The following CFAP65 variants were observed in gnomAD, a reference collection of about 807,000 sequenced individuals.
CFAP65 encodes the protein cilia and flagella associated protein 65, also known as cilia- and flagella-associated protein 65.
In CFAP65, 155 loss-of-function variants were observed where a neutral mutation model predicts 208.0. That is an observed-to-expected ratio of 0.75 (90% confidence interval 0.65 to 0.85). CFAP65 has a LOEUF of 0.85. CFAP65 is among the 40% of genes least tolerant of loss of function. The pLI is 0.00. For missense variants in CFAP65, 2,294 were observed against 2,451.3 expected, an observed-to-expected ratio of 0.94 and a Z score of 1.36; for synonymous variants, 970 against 986.3, an observed-to-expected ratio of 0.98 and a Z score of 0.31.
At chr2:219,041,096 ATTTGT>A (rs1189894621) in intron 1 of CFAP65, among the ~76,000 whole-genome samples, 1 of 152,126 alleles carries the variant, frequency 6.6e-6, no homozygotes, top group African/African-American at 2.4e-5. Flanking sequence ...TTTGTTTTGG[ATTTGT>A]TTTGTTTTAA....
At chr2:219,041,000 AC>A (rs772010299) in intron 1 of CFAP65, among the ~76,000 whole-genome samples, 39 of 152,260 alleles carry the variant, frequency 2.6e-4, no homozygotes, top group Non-Finnish European at 4.4e-4. Context: ...AACAACCATA[AC>A]TTTCCCACTA....
At position 219,031,717 on chromosome 2, in the gene CFAP65, T is replaced by A. The variant is rs1349350973; in HGVS notation, c.646-59A>T. The A allele has an allele frequency of 4.5e-6, 7 of 1,541,836 alleles. No individual in the cohort carries two copies. The African/African-American group carries it at 9.6e-5, about 21-fold the overall frequency. ...ATCAGTGGCATTCAGGGACTGCACA[T>A]CCCGCCCACCCTCAGCCACCCCCAA... On this transcript the variant is annotated intron_variant, in intron 6 of 34. Coordinates refer to ENST00000341552, the MANE Select transcript of CFAP65 (RefSeq NM_194302.4). The surrounding 1 kb of genome is among the most constrained non-coding windows in gnomAD (Gnocchi z 5.2).
intron 24 of CFAP65, among the ~76,000 whole-genome samples, chr2:219,011,270 C>CTTTTTTTTTTTTTTTTTTT (rs528817484): frequency 1.9e-5 from 2 of 107,110 alleles, no homozygotes; most frequent in Non-Finnish European, 3.9e-5. Context: ...CTTTTTCTTT[C>CTTTTTTTTTTTTTTTTTTT]TTTTTTTTTT....
chr2:219,009,389 G>A lies in CFAP65; in HGVS notation c.4524C>T (p.Ala1508=). ...ETVPFVVTLR[A]SVHASFYSAD... ...CACTGTAGAAGCTGGCATGCACAGA[G>A]GCCCTCAAGGTCACCACAAATGGGA... The change falls in exon 28 of 35, where the codon GCC becomes GCT. Residue 1508 remains alanine (A), a synonymous_variant. Transcript: ENST00000341552. 6.2e-7 allele frequency: 1 copy of A among 1,612,694 alleles called. No individual in the cohort carries two copies. The highest frequency in any genetic ancestry group is 1.1e-5 in the South Asian group (1 of 91,074).
intron 13 of CFAP65, chr2:219,026,694 A>G (rs1233312028): frequency 1.2e-5 from 8 of 684,424 alleles, no homozygotes; most frequent in Non-Finnish European, 1.4e-5. Context: ...CACTCACGGC[A>G]CGTCTCAATT....
At position 219,029,546 on chromosome 2, in the gene CFAP65, T is replaced by A; in HGVS notation, c.1507A>T (p.Ile503Phe). The change falls in exon 11 of 35, where the codon ATC (isoleucine) becomes TTC (phenylalanine). Residue 503 changes from isoleucine (I) to phenylalanine (F), a missense_variant. By Grantham distance (21) the Ile-to-Phe change is conservative. This residue lies in a region of CFAP65 where 867 missense variants were observed against 1,012.6 expected (regional missense o/e 0.86). Coordinates refer to ENST00000341552, the MANE Select transcript of CFAP65 (RefSeq NM_194302.4). ...SDCTAHFQFA[I>F]DCLESVFTIR... ...GTAAAGACACTCTCCAAGCAGTCGA[T>A]GGCAAACTGGAAGTGGGCCGTGCAG... 6.2e-7 allele frequency: 1 copy of A among 1,614,082 alleles called. No individual in the cohort carries two copies. The highest frequency in any genetic ancestry group is 8.5e-7 in the Non-Finnish European group (1 of 1,180,018).
rs1266722451 is a variant in CFAP65 at position 219,029,667 on chromosome 2, G to T, written c.1386C>A (p.Gly462=). Residue 462 remains glycine (G), a splice_region_variant and synonymous_variant, in exon 11 of 35, where the codon GGC becomes GGA. Transcript: ENST00000341552. The part of the protein sequence containing the change: ...TLLKVVGFCR[G]PAVSLQHYCV... ...AGTAGTGCTGCAGGGACACAGCAGG[G>T]CCTGGACACAGGAGATGGGGTATCA... is the stretch of plus-strand genomic sequence containing the variant. The T allele has an allele frequency of 4.3e-6, 7 of 1,613,094 alleles. No individual in the cohort carries two copies. The highest frequency in any genetic ancestry group is 4.5e-5 in the East Asian group (2 of 44,834).
intron 4 of CFAP65, among the ~76,000 whole-genome samples, chr2:219,037,101 AT>A (rs1176245534): frequency 3.9e-5 from 6 of 152,152 alleles, no homozygotes; most frequent in African/African-American, 1.4e-4. Context: ...AAAATAGGGA[AT>A]TTACTGTGGC....
chr2:219,022,826 C>T (rs550007767), intron 16 of CFAP65, among the ~76,000 whole-genome samples: 10 of 152,326 alleles, frequency 6.6e-5, no homozygotes, highest in Admixed American at 5.2e-4. Context: ...CAGTCTCCTT[C>T]CTCACCCTCA....
Position 219,027,866 on chromosome 2 carries a change from C to T in CFAP65, c.1995G>A (p.Gly665=). Residue 665 remains glycine (G), a synonymous_variant, in exon 13 of 35, where the codon GGG becomes GGA. Coordinates refer to ENST00000341552, the MANE Select transcript of CFAP65 (RefSeq NM_194302.4). ...PVEVDFGACP[G]PEAPNPVPLC... is the part of the protein sequence containing the mutation. ...GGGGTACAGGGTTGGGGGCCTCAGG[C>T]CCTGGGCAGGCACCGAAGTCTACCT... is the stretch of plus-strand genomic sequence containing the variant. The T allele has an allele frequency of 4.5e-6, 7 of 1,570,696 alleles. No individual in the cohort carries two copies. Among genetic ancestry groups the T allele is most frequent in the Non-Finnish European group, 6.1e-6 (7 of 1,155,646 alleles).
intron 20 of CFAP65, 92 bp from the exon 21 acceptor site, chr2:219,019,271 C>A: frequency 6.9e-7 from 1 of 1,458,848 alleles, no homozygotes; most frequent in Non-Finnish European, 9.3e-7. Context: ...CCCCTCCCTC[C>A]AAGTGGGAAC....
At position 219,040,582 on chromosome 2, in the gene CFAP65, G is replaced by C. The variant is rs778050687; in HGVS notation, c.-48-18C>G. The C allele has an allele frequency of 5.5e-5, 86 of 1,552,146 alleles. No individual in the cohort carries two copies. Among genetic ancestry groups the C allele is most frequent in the Non-Finnish European group, 6.4e-5 (73 of 1,147,002 alleles). On this transcript the variant is annotated intron_variant, in intron 1 of 34. Transcript: ENST00000341552. The stretch of plus-strand genomic sequence containing the variant: ...AATGTAAGCTGAGGAGACACAGAGA[G>C]AGTCCATTACTTTTCTGCCACGGGA...
Position 219,009,954 on chromosome 2 carries a change from T to G in CFAP65, c.4440A>C (p.Leu1480=). ...AGGGGACTCTCACCTCCCCAAAATC[T>G]AGAGGACTTGGCTGCCAGGAGAAGG... The part of the protein sequence containing the change: ...EIAFSWQPSP[L]DFGEVSVSPM... Residue 1480 remains leucine (L), a synonymous_variant, in exon 27 of 35, where the codon CTA becomes CTC. Transcript: ENST00000341552. 1 of 1,610,524 alleles carries G rather than the reference T, an allele frequency of 6.2e-7. No individual in the cohort carries two copies. Among genetic ancestry groups the G allele is most frequent in the Non-Finnish European group, 8.5e-7 (1 of 1,178,754 alleles).
rs146323870 is a variant in CFAP65, at chr2:219,014,088, G to A, written c.3603-44C>T. On this transcript the variant is annotated intron_variant, in intron 21 of 34. Coordinates refer to ENST00000341552, the MANE Select transcript of CFAP65 (RefSeq NM_194302.4). ...GCCATACAAAGAAACTGGTCAGGCA[G>A]AACAGAGAGGCAGGGGCTCTGAGAC... 3.1e-4 allele frequency: 467 copies of A among 1,529,334 alleles called. 2 individuals carry two copies. In the African/African-American group the frequency reaches 4.9e-3, roughly 16 times the overall value. 94.7% of individuals were successfully genotyped at this position (1,529,334 alleles called of 1,614,324 possible). A position where few individuals can be genotyped will look rare whatever the true frequency, so the allele number is the denominator to read the frequency against.
Position 219,010,082 on chromosome 2 carries a change from C to T in CFAP65, c.4312G>A (p.Val1438Ile), listed in dbSNP as rs2106096243. The T allele has an allele frequency of 6.3e-7, 1 of 1,592,784 alleles. No individual in the cohort carries two copies. Among genetic ancestry groups the T allele is most frequent in the Non-Finnish European group, 8.6e-7 (1 of 1,169,012 alleles). ...HSRLVVPGQN[V>I]FLSQSHISLG... Reference sequence around the variant, plus strand: ...GAAATATGAGACTGGGACAGGAAGACATTCTGTGGGTGGAGAGCGGAGGTA... The same window carrying T: ...GAAATATGAGACTGGGACAGGAAGATATTCTGTGGGTGGAGAGCGGAGGTA... The change falls in exon 27 of 35, where the codon GTC (valine) becomes ATC (isoleucine). Residue 1438 changes from valine to isoleucine, a missense_variant. This residue lies in a region of CFAP65 where 1,427 missense variants were observed against 1,438.7 expected (regional missense o/e 0.99). Transcript: ENST00000341552.
chr2:219,026,420 C>T, intron 13 of CFAP65: 1 of 357,578 alleles, frequency 2.8e-6, no homozygotes, highest in Admixed American at 4.4e-5. Flanking sequence ...GTGAAAGCAC[C>T]ATTCATTCTG....
rs1473005817 is a variant in CFAP65 at position 219,003,917 on chromosome 2, C to A, written c.5555+35G>T. On this transcript the variant is annotated intron_variant, in intron 33 of 34. Coordinates refer to ENST00000341552, the MANE Select transcript of CFAP65 (RefSeq NM_194302.4). This position sits in a 1 kb window ranked among gnomAD's most constrained non-coding sequence, Gnocchi z 4.4. Reference sequence around the variant, plus strand: ...CTCCTAGGAACCTTCTGCACTTCGCCTCCCTCCCGTCCTCACTGGGGCCTG... The same window carrying A: ...CTCCTAGGAACCTTCTGCACTTCGCATCCCTCCCGTCCTCACTGGGGCCTG... 1 of 1,583,344 alleles carries A rather than the reference C, an allele frequency of 6.3e-7. No individual in the cohort carries two copies.
In CFAP65 at chr2:219,031,406, C is replaced by T; in HGVS notation, c.815+83G>A. ...AGAACCTCAGACTACCCTACCCCGACAAGGGTATGCCTGTCTCTCCTGCTT... is the reference window on the plus strand; with the variant it reads ...AGAACCTCAGACTACCCTACCCCGATAAGGGTATGCCTGTCTCTCCTGCTT... On this transcript the variant is annotated intron_variant, in intron 7 of 34. Coordinates refer to ENST00000341552, the MANE Select transcript of CFAP65 (RefSeq NM_194302.4). This position sits in a 1 kb window ranked among gnomAD's most constrained non-coding sequence, Gnocchi z 5.2. 1.2e-6 allele frequency: 2 copies of T among 1,608,292 alleles called. No homozygotes were observed. The highest frequency in any genetic ancestry group is 1.7e-6 in the Non-Finnish European group (2 of 1,176,068).
At chr2:219,039,227 C>T (rs1054891078) in intron 2 of CFAP65, 177 bp from the exon 3 acceptor site, 1 of 481,466 alleles carries the variant, frequency 2.1e-6, no homozygotes, top group East Asian at 3.5e-5. Context: ...GGAGGAATGG[C>T]CACAGTTTTC....
Sources: gnomAD v4.1 joint callset for allele counts (sites outside exome capture counted in the v4.1 genomes callset) on GRCh38, gnomAD v4.1.1 for gene constraint, gnomAD v4.1.1 regional missense constraint, Gnocchi (gnomAD v3.1) non-coding constraint, MANE v1.5 for transcripts, NCBI Gene and HGNC (gene_info 2026-07-23, HGNC 2026-07-21) for gene names.